TMEM128: variants seen among roughly 807,000 people sequenced by gnomAD.
TMEM128 encodes transmembrane protein 128.
TMEM128 carries 16 observed loss-of-function variants against 19.7 expected under a neutral mutation model. That is an observed-to-expected ratio of 0.81 (90% CI 0.55 to 1.23). The LOEUF (loss-of-function observed/expected upper bound fraction) is 1.23. TMEM128 is among the 50% of genes most tolerant of loss of function. The pLI is 0.00. For missense variants in TMEM128, 237 were observed against 200.8 expected (o/e 1.18, Z -1.09); for synonymous variants, 98 against 75.8 (o/e 1.29, Z -1.52).
At chr4:4,238,039 T>A (rs1358389360) in intron 3 of TMEM128, 104 bp from the exon 4 acceptor site, 2 of 671,092 alleles carry the variant, frequency 3.0e-6, no homozygotes, top group Non-Finnish European at 2.3e-6. Context: ...GTTCATCCAG[T>A]CAGCAACTTT....
At chr4:4,245,719 T>A (rs942467168) in intron 2 of TMEM128, among the ~76,000 whole-genome samples, 1 of 152,160 alleles carries the variant, frequency 6.6e-6, no homozygotes, top group Non-Finnish European at 1.5e-5. Flanking sequence ...AATTAAAATT[T>A]TATATATTCA....
intron 2 of TMEM128, among the ~76,000 whole-genome samples, chr4:4,241,664 T>C (rs147074803): frequency 1.9e-3 from 282 of 152,324 alleles, no homozygotes; most frequent in African/African-American, 6.5e-3. Context: ...CATGAGAGGC[T>C]GTAGAGGGAA....
At chr4:4,247,534 A>G (rs1477619572) in intron 1 of TMEM128, 4 of 1,611,394 alleles carry the variant, frequency 2.5e-6, no homozygotes, top group Non-Finnish European at 3.4e-6. Context: ...AGCAACCACC[A>G]CTTACAATTT....
chr4:4,239,237 T>A (rs879305229), intron 3 of TMEM128, among the ~76,000 whole-genome samples: 1 of 152,194 alleles, frequency 6.6e-6, no homozygotes, highest in Non-Finnish European at 1.5e-5. Context: ...TCATTGAGTA[T>A]TTAATTAACT....
At chr4:4,247,112 G>A (rs1431809820) in intron 1 of TMEM128, among the ~76,000 whole-genome samples, 1 of 152,120 alleles carries the variant, frequency 6.6e-6, no homozygotes, top group Non-Finnish European at 1.5e-5. Flanking sequence ...AAGTGGAAAC[G>A]GCACACCAGA....
At chr4:4,246,040 C>G (rs112202727) in intron 2 of TMEM128, among the ~76,000 whole-genome samples, 162 bp downstream of exon 2, 7 of 152,212 alleles carry the variant, frequency 4.6e-5, no homozygotes, top group African/African-American at 1.4e-4. Flanking sequence ...AAAATATGTA[C>G]CCTTTGACCC....
chr4:4,236,543 G>A (rs922051918), intron 4 of TMEM128, among the ~76,000 whole-genome samples: 3 of 152,188 alleles, frequency 2.0e-5, no homozygotes, highest in Admixed American at 1.3e-4. Flanking sequence ...AGTGTTCTGA[G>A]ATGTGTAGGA....
Position 4,246,109 on chromosome 4 carries a change from G to C in TMEM128, c.239+93C>G, listed in dbSNP as rs952002156. On this transcript the variant is annotated intron_variant, in intron 2 of 4. Transcript: ENST00000382753. ...CCAACACAGGGCCTGGCAGAGAGTA[G>C]TAGGTGCTTACTGTTTGAAGAATTC... The C allele has an allele frequency of 6.9e-5, 92 of 1,325,044 alleles. No homozygotes were observed. The African/African-American group carries it at 1.2e-3, about 18-fold the overall frequency. 82.1% of individuals were successfully genotyped at this position (1,325,044 alleles called of 1,614,324 possible).
At chr4:4,244,361 T>C (rs1028103062) in intron 2 of TMEM128, among the ~76,000 whole-genome samples, 1 of 151,998 alleles carries the variant, frequency 6.6e-6, no homozygotes, top group African/African-American at 2.4e-5. Context: ...CCTATAGTCC[T>C]AGCTACTTGG....
At position 4,247,762 on chromosome 4, in the gene TMEM128, T is replaced by A. The variant is rs1718250277; in HGVS notation, c.97+344A>T. 11 of 1,515,032 alleles carry A rather than the reference T, an allele frequency of 7.3e-6. No homozygotes were observed. In the African/African-American group the frequency reaches 9.6e-5, roughly 13 times the overall value. The allele number at this position is 1,515,032 out of a possible 1,614,324, so 93.8% of individuals were successfully genotyped here. A position where few individuals can be genotyped will look rare whatever the true frequency, so the allele number is the denominator to read the frequency against. On this transcript the variant is annotated intron_variant, in intron 1 of 4. Transcript: ENST00000382753. ...CGGGCAAGGCAGATATTTCCAGTAA[T>A]TCGCTATTACAAGCAATCCTGAAGT...
intron 1 of TMEM128, 126 bp from the exon 2 acceptor site, chr4:4,246,469 T>C: frequency 1.0e-6 from 1 of 952,412 alleles, no homozygotes; most frequent in Non-Finnish European, 1.5e-6. Context: ...CAAATCCTTC[T>C]GTAAAACCCT....
chr4:4,247,043 C>T (rs1013304676), intron 1 of TMEM128, among the ~76,000 whole-genome samples: 1 of 152,138 alleles, frequency 6.6e-6, no homozygotes, highest in Admixed American at 6.5e-5. Context: ...GGATTACAGG[C>T]GTGAGCTACC....
intron 2 of TMEM128, among the ~76,000 whole-genome samples, chr4:4,241,772 C>T (rs755030028): frequency 2.6e-5 from 4 of 152,138 alleles, no homozygotes; most frequent in East Asian, 1.9e-4. Flanking sequence ...ACCTAACCTC[C>T]GTGTGTTTCA....
rs370219053 is a variant in TMEM128 at position 4,240,479 on chromosome 4, G to C, written c.240C>G (p.Ser80Arg). The change falls in exon 3 of 5, where the codon AGC becomes AGG. Residue 80 changes from serine (S) to arginine (R), a missense_variant and splice_region_variant. Coordinates refer to ENST00000382753, the MANE Select transcript of TMEM128 (RefSeq NM_001297551.2). ...ACAAGGCACTGCCACAGAGAAACCA[G>C]CTGTGGAGATAAAAACAGTAAGAGG... ...KTLKENFHTS[S>R]WFLCGSALLL... The C allele has an allele frequency of 3.1e-6, 5 of 1,611,664 alleles. No homozygotes were observed. The highest frequency in any genetic ancestry group is 2.2e-5 in the South Asian group (2 of 90,840).
At chr4:4,241,967 A>G (rs1717975738) in intron 2 of TMEM128, among the ~76,000 whole-genome samples, 1 of 152,048 alleles carries the variant, frequency 6.6e-6, no homozygotes, top group African/African-American at 2.4e-5. Flanking sequence ...CAGTGCTGCA[A>G]TCTCAGCTCA....
Position 4,237,830 on chromosome 4 carries a change from C to T in TMEM128, c.*6G>A, listed in dbSNP as rs747489609. The T allele has an allele frequency of 5.0e-6, 8 of 1,608,006 alleles. No homozygotes were observed. The highest frequency in any genetic ancestry group is 1.3e-5 in the African/African-American group (1 of 74,746). On this transcript the variant is annotated 3_prime_UTR_variant, in exon 4 of 5. Transcript: ENST00000382753. Reference sequence around the variant, plus strand: ...AAAACCACTCCAGATATCTTACCTTCGGAAATCATCCAAGGAGTGTGATAA... The same window carrying T: ...AAAACCACTCCAGATATCTTACCTTTGGAAATCATCCAAGGAGTGTGATAA...
intron 3 of TMEM128, among the ~76,000 whole-genome samples, chr4:4,238,173 TC>T (rs1717803089): frequency 6.6e-6 from 1 of 152,210 alleles, no homozygotes; most frequent in African/African-American, 2.4e-5. Context: ...ACTAAAGGTC[TC>T]CTAATAGGGG....
chr4:4,240,259 A>T, intron 3 of TMEM128, 62 bp downstream of exon 3: 1 of 1,555,554 alleles, frequency 6.4e-7, no homozygotes, highest in Non-Finnish European at 8.8e-7. Flanking sequence ...CAAGCATATC[A>T]CTATCTGATC....
In TMEM128 at chr4:4,248,150, G is replaced by T; in HGVS notation, c.53C>A (p.Pro18Gln). Residue 18 changes from proline to glutamine, a missense_variant, in exon 1 of 5, where the codon CCG becomes CAG. Physicochemically the swap from Pro to Gln is moderately conservative, Grantham distance 76 (BLOSUM62 -1). Transcript: ENST00000382753. ...QQLRRRFLLL[P>Q]DAEAQLDREG... is the part of the protein sequence containing the mutation. Reference sequence around the variant, plus strand: ...GCGGTCCAGCTGGGCCTCGGCGTCCGGCAGGAGGAGGAATCGCCGCCGGAG... The same window carrying T: ...GCGGTCCAGCTGGGCCTCGGCGTCCTGCAGGAGGAGGAATCGCCGCCGGAG... The T allele has an allele frequency of 2.0e-6, 3 of 1,534,056 alleles. No individual in the cohort carries two copies. Among genetic ancestry groups the T allele is most frequent in the Non-Finnish European group, 2.6e-6 (3 of 1,142,000 alleles).
Sources: allele counts gnomAD v4.1 joint callset (sites outside exome capture counted in the v4.1 genomes callset), GRCh38; gene constraint gnomAD v4.1.1; transcripts MANE v1.5; gene names NCBI Gene and HGNC (gene_info 2026-07-23, HGNC 2026-07-21).